Variants in RMDN2 observed in about 807,000 individuals in gnomAD.
RMDN2 encodes the protein regulator of microtubule dynamics 2.
In RMDN2, 61 loss-of-function variants were observed where a neutral mutation model predicts 52.8. The ratio of observed to expected loss-of-function variants is 1.16; its 90% CI spans 0.94 to 1.43. RMDN2 has a LOEUF of 1.43. RMDN2 is among the 40% of genes most tolerant of loss of function. The pLI is 0.00. For missense variants in RMDN2, 592 were observed against 475.3 expected (o/e 1.25, Z -2.28); for synonymous variants, 180 against 153.1 (o/e 1.18, Z -1.30).
At chr2:38,006,638 T>C (rs1677129746) in intron 10 of RMDN2, among the ~76,000 whole-genome samples, 1 of 152,224 alleles carries the variant, frequency 6.6e-6, no homozygotes, top group African/African-American at 2.4e-5. Context: ...TATACAATCA[T>C]GTCATCTGCA....
At chr2:37,996,650 T>TGGGACTGA (rs1477120435) in intron 7 of RMDN2, among the ~76,000 whole-genome samples, 2 of 149,596 alleles carry the variant, frequency 1.3e-5, no homozygotes, top group Non-Finnish European at 3.0e-5. Flanking sequence ...ATCTAGGTGA[T>TGGGACTGA]GGGACTGAGA....
At position 37,945,321 on chromosome 2, in the gene RMDN2, A is replaced by G. The variant is rs115127135; in HGVS notation, c.452+15592A>G. On this transcript the variant is annotated intron_variant, in intron 2 of 10. Transcript: ENST00000354545. ...GTTTTCTGAGCAGCCACTATGAACT[A>G]TACTCTTGTAGATGAGTACAGTGGT... 5.1e-3 allele frequency among the ~76,000 whole-genome samples: 773 copies of G among 152,336 alleles called. 8 individuals carry two copies. The highest frequency in any genetic ancestry group is 0.017 in the African/African-American group (709 of 41,570).
intron 5 of RMDN2, among the ~76,000 whole-genome samples, chr2:37,985,189 A>G (rs1183483008): frequency 6.6e-6 from 1 of 152,108 alleles, no homozygotes; most frequent in East Asian, 1.9e-4. Context: ...AAGCCTAGAG[A>G]TATCCATAAG....
chr2:38,043,813 G>GTC (rs758699901), intron 10 of RMDN2, among the ~76,000 whole-genome samples: 20 of 151,964 alleles, frequency 1.3e-4, no homozygotes, highest in South Asian at 2.1e-4. Context: ...TAACATTGCT[G>GTC]TCATTCATTT....
At chr2:38,011,392 C>G (rs1224320756) in intron 10 of RMDN2, among the ~76,000 whole-genome samples, 2 of 151,878 alleles carry the variant, frequency 1.3e-5, no homozygotes, top group Non-Finnish European at 2.9e-5. Flanking sequence ...GGAACAACAA[C>G]AAAAAAATAG....
intron 2 of RMDN2, among the ~76,000 whole-genome samples, chr2:37,934,989 G>A (rs567616619): frequency 2.6e-5 from 4 of 152,234 alleles, no homozygotes; most frequent in Non-Finnish European, 5.9e-5. Flanking sequence ...TTCACTGTGG[G>A]CTTTAGGAAG....
At chr2:38,023,424 T>C (rs901173501) in intron 10 of RMDN2, among the ~76,000 whole-genome samples, 3 of 152,224 alleles carry the variant, frequency 2.0e-5, no homozygotes, top group Non-Finnish European at 2.9e-5. Flanking sequence ...TATATTTGTA[T>C]TTTGAATATT....
At chr2:37,963,919 G>C (rs1164555883) in intron 2 of RMDN2, among the ~76,000 whole-genome samples, 1 of 142,708 alleles carries the variant, frequency 7.0e-6, no homozygotes, top group Non-Finnish European at 1.5e-5. Context: ...CCCACCTCCC[G>C]GACGGGGCGG....
upstream of RMDN2, among the ~76,000 whole-genome samples, chr2:37,921,503 A>G (rs948881078): frequency 1.3e-5 from 2 of 152,378 alleles, no homozygotes; most frequent in African/African-American, 4.8e-5. Context: ...GGTAAACTGC[A>G]GAAAACCCCC....
At chr2:37,976,732 ACTTAAC>A (rs1672515193) in intron 4 of RMDN2, among the ~76,000 whole-genome samples, 1 of 152,190 alleles carries the variant, frequency 6.6e-6, no homozygotes, top group Admixed American at 6.5e-5. Flanking sequence ...ATAAATAAAA[ACTTAAC>A]CAAGGAGAAC....
At chr2:37,979,429 T>C (rs530312870) in intron 4 of RMDN2, among the ~76,000 whole-genome samples, 35 of 152,270 alleles carry the variant, frequency 2.3e-4, no homozygotes, top group African/African-American at 8.2e-4. Context: ...TGGAAGAACG[T>C]TGGGGTTCAG....
chr2:38,051,474 T>C (rs564722008), intron 10 of RMDN2, among the ~76,000 whole-genome samples: 13 of 152,216 alleles, frequency 8.5e-5, no homozygotes, highest in Non-Finnish European at 1.8e-4. Context: ...AAATATGTAA[T>C]GATCAAATTG....
chr2:37,929,921 G>A (rs1226205999), intron 2 of RMDN2, among the ~76,000 whole-genome samples, 192 bp downstream of exon 2: 1 of 152,128 alleles, frequency 6.6e-6, no homozygotes, highest in Admixed American at 6.5e-5. Context: ...AGACCATATT[G>A]ACAAAAGGAA....
At chr2:37,979,449 G>C (rs1006722736) in intron 4 of RMDN2, among the ~76,000 whole-genome samples, 14 of 152,176 alleles carry the variant, frequency 9.2e-5, no homozygotes, top group African/African-American at 3.4e-4. Flanking sequence ...GCATGAGGGA[G>C]GAAGTGCAGA....
chr2:37,933,420 C>T (rs1280735534), intron 2 of RMDN2, among the ~76,000 whole-genome samples: 13 of 152,214 alleles, frequency 8.5e-5, no homozygotes, highest in African/African-American at 2.9e-4. Context: ...CCAAGGCAGG[C>T]GGCTGGGAGG....
Position 38,037,439 on chromosome 2 carries a change from A to G in RMDN2, c.1714-29543A>G, listed in dbSNP as rs17021883. Among the ~76,000 whole-genome samples, 829 of 152,318 alleles carry G rather than the reference A, an allele frequency of 5.4e-3. 10 individuals are homozygous for G. Among genetic ancestry groups the G allele is most frequent in the African/African-American group, 0.018 (762 of 41,562 alleles). ...TATTCCCCTAAATTCTGCTTGTTTAATAAACATCTGCAGAGACAGGCTCAG... is the reference window on the plus strand; with the variant it reads ...TATTCCCCTAAATTCTGCTTGTTTAGTAAACATCTGCAGAGACAGGCTCAG... On this transcript the variant is annotated intron_variant, in intron 10 of 10. Coordinates refer to the RMDN2 transcript ENST00000234195.
At chr2:37,962,944 G>A (rs1670458823) in intron 2 of RMDN2, 1 of 152,476 alleles carries the variant, frequency 6.6e-6, no homozygotes, top group South Asian at 2.1e-4. Context: ...GCTTCCCTTG[G>A]CTAGGGGAGT....
At chr2:38,031,504 A>T (rs1680202291) in intron 10 of RMDN2, among the ~76,000 whole-genome samples, 1 of 152,034 alleles carries the variant, frequency 6.6e-6, no homozygotes, top group South Asian at 2.1e-4. Flanking sequence ...ACTTCTACAG[A>T]ACTGTAATTT....
intron 10 of RMDN2, among the ~76,000 whole-genome samples, chr2:38,013,379 T>C (rs180735569): frequency 6.1e-4 from 93 of 152,334 alleles, no homozygotes; most frequent in Non-Finnish European, 1.0e-3. Flanking sequence ...ATGGCATTAG[T>C]CACCTTTCTA....
Sources: allele counts gnomAD v4.1 joint callset (sites outside exome capture counted in the v4.1 genomes callset), GRCh38; gene constraint gnomAD v4.1.1; transcripts MANE v1.5; gene names NCBI Gene and HGNC (gene_info 2026-07-23, HGNC 2026-07-21).